ZMYND8: variants seen among roughly 807,000 people sequenced by gnomAD.
ZMYND8 encodes the protein MYND-type zinc finger-containing chromatin reader ZMYND8.
ZMYND8 carries 37 observed loss-of-function variants against 140.8 expected under a neutral mutation model. The observed-to-expected ratio is 0.26, with a 90% CI of 0.20 to 0.35. ZMYND8 has a LOEUF of 0.35. ZMYND8 is among the 10% of genes least tolerant of loss of function. The pLI is 1.00. For synonymous variants in ZMYND8, 592 were observed against 597.1 expected (o/e 0.99, Z 0.12); for missense variants, 1,068 against 1,570.0 (o/e 0.68, Z 5.40).
At chr20:47,240,852 C>A (rs1034255965) in intron 14 of ZMYND8, among the ~76,000 whole-genome samples, 1 of 151,854 alleles carries the variant, frequency 6.6e-6, no homozygotes, top group African/African-American at 2.4e-5. Context: ...ACGTGCCCGG[C>A]CTATTTTATT....
Position 47,349,978 on chromosome 20 carries a change from C to A in ZMYND8, c.15-2052G>T, listed in dbSNP as rs530036421. On this transcript the variant is annotated intron_variant, in intron 1 of 22. Transcript: ENST00000471951. ...GCCTAGAGGAGCTGAATACTTCAGG[C>A]AGGAATGCTGCTGAGAGACGAGGAA... is the stretch of plus-strand genomic sequence containing the variant. The A allele has an allele frequency of 2.3e-5, 35 of 1,523,124 alleles. No individual in the cohort carries two copies. The South Asian group carries it at 3.9e-4, about 17-fold the overall frequency. 94.4% of individuals were successfully genotyped at this position (1,523,124 alleles called of 1,614,324 possible). A position where few individuals can be genotyped will look rare whatever the true frequency, so the allele number is the denominator to read the frequency against.
At position 47,209,708 on chromosome 20, in the gene ZMYND8, T is replaced by C. The variant is rs1246375063; in HGVS notation, c.*1053A>G. On this transcript the variant is annotated 3_prime_UTR_variant, in exon 23 of 23. Transcript: ENST00000471951. Reference sequence around the variant, plus strand: ...TCAATGCTTTTTGTTTTACACAACATACAAAATGGCTCTACAGCATACGTA... The same window carrying C: ...TCAATGCTTTTTGTTTTACACAACACACAAAATGGCTCTACAGCATACGTA... The C allele has an allele frequency of 6.5e-6, 1 of 152,682 alleles. No individual in the cohort carries two copies. The highest frequency in any genetic ancestry group is 1.5e-5 in the Non-Finnish European group (1 of 68,052). 9.5% of individuals were successfully genotyped at this position (152,682 alleles called of 1,614,324 possible).
chr20:47,237,365 C>T lies in ZMYND8; in HGVS notation c.2666-849G>A, dbSNP rs916535613. On this transcript the variant is annotated intron_variant, in intron 15 of 22. Transcript: ENST00000471951. ...TAGAGATGGGGTTTCACCATGTTGA[C>T]TGGGCTGGTCTTGAACTCCTGGCCT... The T allele has an allele frequency of 4.7e-5, 7 of 150,356 alleles. No individual in the cohort carries two copies. The East Asian group carries it at 1.2e-3, about 25-fold the overall frequency. 9.3% of individuals were successfully genotyped at this position (150,356 alleles called of 1,614,324 possible).
rs1449358242 is a variant in ZMYND8 at position 47,209,352 on chromosome 20, A to AAAAG, written c.*1405_*1408dup. ...CAGTCACAAAGAAACACCACCATCA[A>AAAAG]AAAGATATTTAAGTTTAATACAAAT... On this transcript the variant is annotated 3_prime_UTR_variant, in exon 23 of 23. Transcript: ENST00000471951. 1.3e-5 allele frequency: 2 copies of AAAAG among 152,234 alleles called. No individual in the cohort carries two copies. The highest frequency in any genetic ancestry group is 4.8e-5 in the African/African-American group (2 of 41,460). The allele number at this position is 152,234 out of a possible 1,614,324, so 9.4% of individuals were successfully genotyped here. A position where few individuals can be genotyped will look rare whatever the true frequency, so the allele number is the denominator to read the frequency against.
At position 47,276,475 on chromosome 20, in the gene ZMYND8, G is replaced by A. The variant is rs2076267192; in HGVS notation, c.1319C>T (p.Thr440Ile). The change falls in exon 11 of 23, where the codon ACA becomes ATA. Residue 440 changes from threonine to isoleucine, a missense_variant. Around this residue, in one of 10 missense-constraint regions of ZMYND8, gnomAD observed 173 missense variants for 223.3 expected, o/e 0.77. Coordinates refer to ENST00000471951, the MANE Select transcript of ZMYND8 (RefSeq NM_001281775.3). Reference sequence around the variant, plus strand: ...ATCCGACAAGGAAATCCGGCGGCCTGTGCCCCCACTCAGCACAGGCTTGCT... The same window carrying A: ...ATCCGACAAGGAAATCCGGCGGCCTATGCCCCCACTCAGCACAGGCTTGCT... ...LMSKPVLSGG[T>I]GRRISLSDMP... The A allele has an allele frequency of 6.2e-7, 1 of 1,614,114 alleles. No homozygotes were observed. The highest frequency in any genetic ancestry group is 8.5e-7 in the Non-Finnish European group (1 of 1,180,034).
intron 3 of ZMYND8, among the ~76,000 whole-genome samples, chr20:47,305,794 G>GA (rs933924780): frequency 1.3e-5 from 2 of 151,998 alleles, no homozygotes; most frequent in East Asian, 1.9e-4. Flanking sequence ...TAATGCAAGG[G>GA]AAAAAAACCA....
intron 2 of ZMYND8, among the ~76,000 whole-genome samples, chr20:47,314,860 G>A (rs2079251610): frequency 6.6e-6 from 1 of 152,212 alleles, no homozygotes. Flanking sequence ...GGGCCTCAGG[G>A]CCTCACCTGC....
chr20:47,330,112 T>C (rs2080810411), intron 2 of ZMYND8, among the ~76,000 whole-genome samples: 1 of 152,164 alleles, frequency 6.6e-6, no homozygotes, highest in African/African-American at 2.4e-5. Flanking sequence ...ATGGACACAG[T>C]GAGGATGGTC....
At chr20:47,255,639 T>C (rs13037017) in intron 12 of ZMYND8, among the ~76,000 whole-genome samples, 22,589 of 129,178 alleles carry the variant, frequency 0.17, 3,174 homozygotes, top group African/African-American at 0.35. Context: ...TCAGTATATA[T>C]ATACCATATA....
intron 12 of ZMYND8, among the ~76,000 whole-genome samples, chr20:47,249,883 C>T (rs1220346703): frequency 6.6e-6 from 1 of 151,988 alleles, no homozygotes; most frequent in Admixed American, 6.6e-5. Flanking sequence ...GATGGCGACC[C>T]CCTCGAAAAC....
chr20:47,326,483 T>C (rs1415013087), intron 2 of ZMYND8, among the ~76,000 whole-genome samples: 2 of 152,118 alleles, frequency 1.3e-5, no homozygotes, highest in African/African-American at 2.4e-5. Context: ...CATGACTTTC[T>C]CCAGGGAAAA....
At chr20:47,302,519 A>G (rs550661462) in intron 3 of ZMYND8, among the ~76,000 whole-genome samples, 35 of 152,312 alleles carry the variant, frequency 2.3e-4, no homozygotes, top group African/African-American at 7.7e-4. Context: ...CACTATGTAT[A>G]TGCAAATATT....
Position 47,298,970 on chromosome 20 carries a change from G to A in ZMYND8, c.235-23C>T. 6.2e-7 allele frequency: 1 copy of A among 1,608,732 alleles called. No homozygotes were observed. The highest frequency in any genetic ancestry group is 8.5e-7 in the Non-Finnish European group (1 of 1,175,290). Reference sequence around the variant, plus strand: ...TGACTGAAATGTAGGCAAAAAGACAGGTTTGGTTTCAAAACAAATGTGCAT... The same window carrying A: ...TGACTGAAATGTAGGCAAAAAGACAAGTTTGGTTTCAAAACAAATGTGCAT... On this transcript the variant is annotated intron_variant, in intron 3 of 22. Transcript: ENST00000471951. The surrounding 1 kb of genome is among the most constrained non-coding windows in gnomAD (Gnocchi z 5.0).
chr20:47,270,539 T>C (rs571047601), intron 11 of ZMYND8, among the ~76,000 whole-genome samples: 1 of 151,508 alleles, frequency 6.6e-6, no homozygotes, highest in South Asian at 2.1e-4. Context: ...GATGTAGCTT[T>C]TATTTAGTTA....
intron 16 of ZMYND8, among the ~76,000 whole-genome samples, chr20:47,230,964 G>A (rs915475478): frequency 5.3e-5 from 8 of 152,130 alleles, no homozygotes; most frequent in Non-Finnish European, 7.3e-5. Context: ...TCTGTGACTC[G>A]CGCATCCGTG....
chr20:47,301,959 C>T (rs962716852), intron 3 of ZMYND8, among the ~76,000 whole-genome samples: 7 of 150,532 alleles, frequency 4.7e-5, no homozygotes, highest in African/African-American at 1.5e-4. Context: ...TTATAAGGAG[C>T]TTTTCCTCCT....
At chr20:47,344,170 G>T (rs2082148970) in intron 2 of ZMYND8, among the ~76,000 whole-genome samples, 1 of 150,862 alleles carries the variant, frequency 6.6e-6, no homozygotes, top group Non-Finnish European at 1.5e-5. Flanking sequence ...TAGAGGCAGG[G>T]TTTCACCATG....
intron 8 of ZMYND8, among the ~76,000 whole-genome samples, chr20:47,285,073 C>T (rs889627721): frequency 6.6e-6 from 1 of 152,076 alleles, no homozygotes; most frequent in South Asian, 2.1e-4. Context: ...CATTGTATTC[C>T]TTACACCTCA....
At chr20:47,252,368 GC>G (rs1207096567) in intron 12 of ZMYND8, among the ~76,000 whole-genome samples, 9 of 150,500 alleles carry the variant, frequency 6.0e-5, no homozygotes, top group Non-Finnish European at 1.2e-4. Flanking sequence ...CAGCTGAGTT[GC>G]ATGCAAATGT....
Sources: allele counts gnomAD v4.1 joint callset (sites outside exome capture counted in the v4.1 genomes callset), GRCh38; gene constraint gnomAD v4.1.1; regional missense constraint gnomAD v4.1.1; non-coding constraint Gnocchi (gnomAD v3.1); transcripts MANE v1.5; gene names NCBI Gene and HGNC (gene_info 2026-07-23, HGNC 2026-07-21).